TSC1: variants seen among roughly 807,000 people sequenced by gnomAD.
The protein encoded by TSC1 is TSC complex subunit 1, also known as hamartin.
TSC1 carries 20 observed loss-of-function variants against 124.3 expected under a neutral mutation model. That is an observed-to-expected ratio of 0.16 (90% CI 0.11 to 0.23). The LOEUF (loss-of-function observed/expected upper bound fraction) is 0.23, where lower values mean the gene tolerates loss of function less well. TSC1 is among the 10% of genes least tolerant of loss of function. TSC1 has a pLI of 1.00. For synonymous variants in TSC1, 493 were observed against 539.1 expected, an observed-to-expected ratio of 0.91 and a Z score of 1.19; for missense variants, 1,124 against 1,448.5, an observed-to-expected ratio of 0.78 and a Z score of 3.64.
rs1845686924 is a variant in TSC1 at position 132,906,669 on chromosome 9, C to T, written c.1438+62G>A. The T allele has an allele frequency of 7.0e-7, 1 of 1,433,512 alleles. No homozygotes were observed. Among genetic ancestry groups the T allele is most frequent in the Admixed American group, 1.9e-5 (1 of 52,578 alleles). The allele number at this position is 1,433,512 out of a possible 1,614,324, so 88.8% of individuals were successfully genotyped here. ...AGCCTGTGAGCAATGGCACAAAATC[C>T]CAGATTTATAGCAGAGCGAGGGTCA... On this transcript the variant is annotated intron_variant, in intron 14 of 22. Transcript: ENST00000298552. The surrounding 1 kb of genome is among the most constrained non-coding windows in gnomAD (Gnocchi z 4.1).
intron 8 of TSC1, among the ~76,000 whole-genome samples, chr9:132,913,708 C>T (rs1197455421): frequency 4.6e-5 from 7 of 150,896 alleles, no homozygotes; most frequent in Non-Finnish European, 1.0e-4. Flanking sequence ...CGCCTGTAGT[C>T]CCAGCTACTC....
intron 20 of TSC1, chr9:132,899,808 G>A (rs1161442155): frequency 1.3e-5 from 2 of 152,206 alleles, no homozygotes; most frequent in Non-Finnish European, 2.9e-5. Flanking sequence ...CTTCTCTCAG[G>A]AGATGGCCCA....
At chr9:132,922,075 G>C (rs575976150) in intron 6 of TSC1, 102 bp from the exon 7 acceptor site, 33 of 1,385,016 alleles carry the variant, frequency 2.4e-5, no homozygotes, top group Non-Finnish European at 3.2e-5. Context: ...TTTTATCTAT[G>C]TATATTCCCA....
intron 8 of TSC1, among the ~76,000 whole-genome samples, chr9:132,913,558 G>A (rs1846081690): frequency 6.6e-6 from 1 of 151,964 alleles, no homozygotes; most frequent in Non-Finnish European, 1.5e-5. Flanking sequence ...CGTACATACA[G>A]AAGTGAGCCT....
chr9:132,911,441 T>C lies in TSC1; in HGVS notation c.1029+12A>G, dbSNP rs1333680936. The C allele has an allele frequency of 9.4e-6, 15 of 1,590,698 alleles. No homozygotes were observed. The highest frequency in any genetic ancestry group is 2.2e-5 in the South Asian group (2 of 90,620). ...GCAGAGGAGAGAGCAGGCACACTAGTTGACACCATACTTGTGGTGGTTCAG... is the reference window on the plus strand; with the variant it reads ...GCAGAGGAGAGAGCAGGCACACTAGCTGACACCATACTTGTGGTGGTTCAG... On this transcript the variant is annotated intron_variant, in intron 10 of 22. Transcript: ENST00000298552.
chr9:132,944,388 G>A lies in TSC1; in HGVS notation c.-144+155C>T, dbSNP rs1310020690. ...CGGAGATAGCGTGTAATAAGAGGGA[G>A]GGGAGAGCTCTCCGAACCCCCCTTC... is the stretch of plus-strand genomic sequence containing the variant. On this transcript the variant is annotated intron_variant, in intron 1 of 22. Coordinates refer to ENST00000298552, the MANE Select transcript of TSC1 (RefSeq NM_000368.5). Among the ~76,000 whole-genome samples, 3 of 152,166 alleles carry A rather than the reference G, an allele frequency of 2.0e-5. 1 individual carries two copies. Among genetic ancestry groups the A allele is most frequent in the Non-Finnish European group, 4.4e-5 (3 of 68,014 alleles).
At position 132,944,569 on chromosome 9, in the gene TSC1, T is replaced by A. The variant is rs1847978834; in HGVS notation, c.-170A>T. ...CACCGTCTCCTCCCCCTCAGCTGTT[T>A]ACCTCACAGTCCCTCCAGCCTACAG... On this transcript the variant is annotated 5_prime_UTR_variant, in exon 1 of 23. Coordinates refer to ENST00000298552, the MANE Select transcript of TSC1 (RefSeq NM_000368.5). 1.0e-5 allele frequency: 4 copies of A among 398,664 alleles called. No individual in the cohort carries two copies. The highest frequency in any genetic ancestry group is 4.4e-5 in the Admixed American group (1 of 22,704). The allele number at this position is 398,664 out of a possible 1,614,324, so 24.7% of individuals were successfully genotyped here. A position where few individuals can be genotyped will look rare whatever the true frequency, so the allele number is the denominator to read the frequency against.
intron 1 of TSC1, 113 bp from the exon 2 acceptor site, chr9:132,935,208 C>T (rs1847396353): frequency 2.5e-6 from 1 of 396,136 alleles, no homozygotes; most frequent in South Asian, 1.4e-4. Context: ...CAGGTGGCCA[C>T]CACGTTTCCA....
Position 132,895,647 on chromosome 9 carries a change from AGTATGAATAAACC to A in TSC1, c.*575_*587del, listed in dbSNP as rs1844994470. ...TTATCAGAACTGCCAAAAGAATGCAAGTATGAATAAACCGTTGTTCTTCTAGACCTGCTGCTTT... is the reference window on the plus strand; with the variant it reads ...TTATCAGAACTGCCAAAAGAATGCAAGTTGTTCTTCTAGACCTGCTGCTTT... On this transcript the variant is annotated 3_prime_UTR_variant, in exon 23 of 23. Transcript: ENST00000298552. 4 of 236,378 alleles carry A rather than the reference AGTATGAATAAACC, an allele frequency of 1.7e-5. No individual in the cohort carries two copies. In the East Asian group the frequency reaches 2.4e-4, roughly 14 times the overall value. 14.6% of individuals were successfully genotyped at this position (236,378 alleles called of 1,614,324 possible). A position where few individuals can be genotyped will look rare whatever the true frequency, so the allele number is the denominator to read the frequency against.
chr9:132,925,088 T>C (rs1846779869), intron 5 of TSC1: 1 of 165,172 alleles, frequency 6.1e-6, no homozygotes, highest in African/African-American at 2.4e-5. Flanking sequence ...TATTTAGATT[T>C]TGACTCCCTA....
intron 20 of TSC1, among the ~76,000 whole-genome samples, chr9:132,898,266 C>T (rs1845190820): frequency 6.6e-6 from 1 of 152,232 alleles, no homozygotes; most frequent in Non-Finnish European, 1.5e-5. Flanking sequence ...AGGCAGATGG[C>T]CTGCTGCCGA....
rs1845665892 is a variant in TSC1, at chr9:132,906,247, G to T, written c.1439-108C>A. 2 of 1,303,526 alleles carry T rather than the reference G, an allele frequency of 1.5e-6. No homozygotes were observed. The highest frequency in any genetic ancestry group is 2.2e-6 in the Non-Finnish European group (2 of 929,064). The allele number at this position is 1,303,526 out of a possible 1,614,324, so 80.7% of individuals were successfully genotyped here. A position where few individuals can be genotyped will look rare whatever the true frequency, so the allele number is the denominator to read the frequency against. On this transcript the variant is annotated intron_variant, in intron 14 of 22. Coordinates refer to ENST00000298552, the MANE Select transcript of TSC1 (RefSeq NM_000368.5). The surrounding 1 kb of genome is among the most constrained non-coding windows in gnomAD (Gnocchi z 4.1). Reference sequence around the variant, plus strand: ...ACATGCCAGTGTCACTCAGAGAGAGGAGAAAAAGTGGCATCCGGCTGGACA... The same window carrying T: ...ACATGCCAGTGTCACTCAGAGAGAGTAGAAAAAGTGGCATCCGGCTGGACA...
chr9:132,924,486 T>C (rs1846743326), intron 5 of TSC1, among the ~76,000 whole-genome samples: 1 of 152,214 alleles, frequency 6.6e-6, no homozygotes, highest in African/African-American at 2.4e-5. Context: ...CTGATTTCAT[T>C]TTCCTAACAG....
In TSC1 at chr9:132,905,729, G is replaced by A. The variant is rs397514854; in HGVS notation, c.1849C>T (p.His617Tyr). 1 of 1,614,010 alleles carries A rather than the reference G, an allele frequency of 6.2e-7. No homozygotes were observed. Among genetic ancestry groups the A allele is most frequent in the East Asian group, 2.2e-5 (1 of 44,890 alleles). The change falls in exon 15 of 23, where the codon CAT (histidine) becomes TAT (tyrosine). Residue 617 changes from histidine (H) to tyrosine (Y), a missense_variant. Transcript: ENST00000298552. Reference sequence around the variant, plus strand: ...TCAGTCTTCCTGATGACAAAATGATGGGCTGTCTTTGGCAATGCCACCTCA... The same window carrying A: ...TCAGTCTTCCTGATGACAAAATGATAGGCTGTCTTTGGCAATGCCACCTCA... ...LFEVALPKTA[H>Y]HFVIRKTEEL...
At chr9:132,931,158 A>C (rs893296917) in intron 2 of TSC1, 1 of 152,212 alleles carries the variant, frequency 6.6e-6, no homozygotes, top group Non-Finnish European at 1.5e-5. Context: ...CATAAATTTA[A>C]AAGTATCTTG....
intron 8 of TSC1, among the ~76,000 whole-genome samples, chr9:132,918,696 A>G (rs576780090): frequency 6.6e-6 from 1 of 152,300 alleles, no homozygotes; most frequent in African/African-American, 2.4e-5. Flanking sequence ...CCTGAAAATC[A>G]GAAGACTACT....
chr9:132,914,546 T>A (rs1846162903), intron 8 of TSC1, among the ~76,000 whole-genome samples: 1 of 152,078 alleles, frequency 6.6e-6, no homozygotes, highest in African/African-American at 2.4e-5. Context: ...AATTATACCA[T>A]ACCAAAGTTG....
intron 1 of TSC1, among the ~76,000 whole-genome samples, 156 bp downstream of exon 1, chr9:132,944,387 A>C (rs1847948464): frequency 6.6e-6 from 1 of 152,226 alleles, no homozygotes; most frequent in Admixed American, 6.5e-5. Flanking sequence ...AATAAGAGGG[A>C]GGGGAGAGCT....
chr9:132,934,475 G>C (rs1847357760), intron 2 of TSC1: 1 of 152,186 alleles, frequency 6.6e-6, no homozygotes, highest in Admixed American at 6.5e-5. Flanking sequence ...CCAGCTCAAG[G>C]GTTCTCAGCC....
Sources: gnomAD v4.1 joint callset for allele counts (sites outside exome capture counted in the v4.1 genomes callset) on GRCh38, gnomAD v4.1.1 for gene constraint, Gnocchi (gnomAD v3.1) non-coding constraint, MANE v1.5 for transcripts, NCBI Gene and HGNC (gene_info 2026-07-23, HGNC 2026-07-21) for gene names.